Variants in SMC3 observed in about 807,000 individuals in gnomAD.
SMC3 encodes structural maintenance of chromosomes 3, also known as structural maintenance of chromosomes protein 3.
SMC3 carries 20 observed loss-of-function variants against 171.8 expected under a neutral mutation model. The ratio of observed to expected loss-of-function variants is 0.12; its 90% CI spans 0.08 to 0.17. SMC3 has a LOEUF of 0.17. Among genes scored for constraint, SMC3 ranks in the 10% least tolerant of loss-of-function variants. The pLI is 1.00. For missense variants in SMC3, 543 were observed against 1,420.4 expected (o/e 0.38, Z 9.93); for synonymous variants, 464 against 451.1 (o/e 1.03, Z -0.36).
rs1392669445 is a variant in SMC3, at chr10:110,605,604, T to A, written c.*1302T>A. Among the ~76,000 whole-genome samples, 2 of 152,244 alleles carry A rather than the reference T, an allele frequency of 1.3e-5. No individual in the cohort carries two copies. The highest frequency in any genetic ancestry group is 4.8e-5 in the African/African-American group (2 of 41,472). ...GTGAGTTTACTTTGGGTTTTCATTT[T>A]GACTGGCTGAATCTTTAAATGTTCG... On this transcript the variant is annotated 3_prime_UTR_variant, in exon 29 of 29. Transcript: ENST00000361804.
Position 110,567,720 on chromosome 10 carries a change from C to G in SMC3, c.-97C>G, listed in dbSNP as rs1017866892. The G allele has an allele frequency of 4.1e-6, 6 of 1,480,824 alleles. No homozygotes were observed. Among genetic ancestry groups the G allele is most frequent in the Admixed American group, 3.5e-5 (2 of 57,794 alleles). 91.7% of individuals were successfully genotyped at this position (1,480,824 alleles called of 1,614,324 possible). A position where few individuals can be genotyped will look rare whatever the true frequency, so the allele number is the denominator to read the frequency against. ...GTTTGGCTGAGGGGAGCGAGCGGCG[C>G]TTTGGGGGAGGGGTCGCGTAGGCGC... On this transcript the variant is annotated 5_prime_UTR_variant, in exon 1 of 29. Coordinates refer to ENST00000361804, the MANE Select transcript of SMC3 (RefSeq NM_005445.4).
At chr10:110,599,086 C>G (rs888090338) in intron 20 of SMC3, among the ~76,000 whole-genome samples, 2 of 151,522 alleles carry the variant, frequency 1.3e-5, no homozygotes, top group African/African-American at 4.8e-5. Context: ...CCATCCCAAC[C>G]ATATTCTGAC....
chr10:110,600,323 A>G, intron 21 of SMC3, 116 bp from the exon 22 acceptor site: 1 of 708,216 alleles, frequency 1.4e-6, no homozygotes, highest in Admixed American at 2.2e-5. Context: ...AGAATATAAC[A>G]TATTAAACTT....
intron 18 of SMC3, among the ~76,000 whole-genome samples, chr10:110,594,107 C>CATTTGGT (rs112495559): frequency 0.98 from 148,904 of 152,150 alleles, 72,878 homozygotes; most frequent in South Asian, 1. Flanking sequence ...GAAATGTGAT[C>CATTTGGT]ATATAGCAGG....
intron 13 of SMC3, among the ~76,000 whole-genome samples, chr10:110,584,608 T>C (rs1203203143): frequency 6.6e-6 from 1 of 152,192 alleles, no homozygotes; most frequent in Admixed American, 6.5e-5. Context: ...GTAGATTAAG[T>C]ATATTAAAAT....
rs199611616 is a variant in SMC3 at position 110,604,319 on chromosome 10, A to G, written c.*17A>G. 261 of 1,571,354 alleles carry G rather than the reference A, an allele frequency of 1.7e-4. No individual in the cohort carries two copies. The highest frequency in any genetic ancestry group is 6.9e-4 in the Middle Eastern group (3 of 4,374). On this transcript the variant is annotated 3_prime_UTR_variant, in exon 29 of 29. Coordinates refer to ENST00000361804, the MANE Select transcript of SMC3 (RefSeq NM_005445.4). ...CATGGTTAATTGGAAAATACTACCT[A>G]CTGGTTTGGGAGATGTATATAGTAA...
chr10:110,568,863 C>A (rs1345772386), intron 1 of SMC3, 75 bp from the exon 2 acceptor site: 2 of 752,364 alleles, frequency 2.7e-6, no homozygotes, highest in Non-Finnish European at 4.3e-6. Context: ...AAATGAAAAA[C>A]AAGAAAGAAA....
chr10:110,602,211 CAG>C (rs1861398399), intron 25 of SMC3, 33 bp downstream of exon 25: 1 of 1,549,510 alleles, frequency 6.5e-7, no homozygotes, highest in Non-Finnish European at 8.9e-7. Context: ...AACATACACA[CAG>C]AGGACAAAAG....
At chr10:110,598,356 T>C (rs1371036309) in intron 20 of SMC3, 66 bp downstream of exon 20, 26 of 1,452,510 alleles carry the variant, frequency 1.8e-5, no homozygotes, top group Non-Finnish European at 2.5e-5. Context: ...ATATGAATCA[T>C]ACATTATATG....
At chr10:110,590,934 C>T in intron 16 of SMC3, 57 bp from the exon 17 acceptor site, 1 of 1,536,210 alleles carries the variant, frequency 6.5e-7, no homozygotes, top group South Asian at 1.1e-5. Flanking sequence ...TAAGTTTGGG[C>T]AACATAGGGA....
intron 19 of SMC3, 44 bp downstream of exon 19, chr10:110,596,594 G>A: frequency 1.3e-6 from 2 of 1,583,834 alleles, no homozygotes; most frequent in Non-Finnish European, 1.7e-6. Context: ...TGTGGGGGAA[G>A]AACTGTGTTT....
At chr10:110,573,650 A>G in intron 2 of SMC3, 57 bp from the exon 3 acceptor site, 1 of 1,164,612 alleles carries the variant, frequency 8.6e-7, no homozygotes, top group South Asian at 1.3e-5. Context: ...AAAGGTAAAC[A>G]GTTTTAATTT....
Position 110,603,248 on chromosome 10 carries a change from T to C in SMC3, c.3540T>C (p.Leu1180=). ...CAACTACTTTTAGGCCTGAACTGCT[T>C]GAGTCAGCTGACAAATTCTATGGTG... is the stretch of plus-strand genomic sequence containing the variant. ...FITTTFRPEL[L]ESADKFYGVK... is the part of the protein sequence containing the mutation. The change falls in exon 28 of 29, where the codon CTT becomes CTC. Residue 1180 remains leucine, a synonymous_variant. Transcript: ENST00000361804. 1 of 1,608,366 alleles carries C rather than the reference T, an allele frequency of 6.2e-7. No homozygotes were observed.
chr10:110,594,578 C>T (rs1861265418), intron 18 of SMC3, among the ~76,000 whole-genome samples: 1 of 151,974 alleles, frequency 6.6e-6, no homozygotes, highest in South Asian at 2.1e-4. Flanking sequence ...AATTTTTTTC[C>T]TACTCAGATC....
At position 110,601,864 on chromosome 10, in the gene SMC3, C is replaced by G. The variant is rs746411045; in HGVS notation, c.2872C>G (p.Gln958Glu). Residue 958 changes from glutamine (Q) to glutamate (E), a missense_variant, in exon 24 of 29, where the codon CAG becomes GAG. This residue lies in a region of SMC3 where 81 missense variants were observed against 184.2 expected (regional missense o/e 0.44). Transcript: ENST00000361804. The part of the protein sequence containing the change: ...SLPQEAFEKY[Q>E]TLSLKQLFRK... The stretch of plus-strand genomic sequence containing the variant: ...TCCCCAGGAAGCATTTGAAAAGTAC[C>G]AGACACTGAGCCTCAAACAGGTTGG... 1 of 1,613,926 alleles carries G rather than the reference C, an allele frequency of 6.2e-7. No individual in the cohort carries two copies. The highest frequency in any genetic ancestry group is 2.2e-5 in the East Asian group (1 of 44,850).
chr10:110,580,516 G>A (rs185305896), intron 7 of SMC3, among the ~76,000 whole-genome samples: 253 of 152,276 alleles, frequency 1.7e-3, no homozygotes, highest in Admixed American at 4.2e-3. Context: ...AAGTAAAGGA[G>A]ACATAGATAT....
Position 110,575,374 on chromosome 10 carries a change from C to A in SMC3, c.169C>A (p.Arg57Ser). 6.2e-7 allele frequency: 1 copy of A among 1,613,516 alleles called. No individual in the cohort carries two copies. Residue 57 changes from arginine to serine, a missense_variant, in exon 4 of 29, where the codon CGT becomes AGT. This residue lies in a region of SMC3 where 146 missense variants were observed against 437.9 expected (regional missense o/e 0.33). Transcript: ENST00000361804. Reference sequence around the variant, plus strand: ...TCTCAGTGATGAGTTTAGTCATCTTCGTCCAGAACAGCGGTTGGCTTTATT... The same window carrying A: ...TCTCAGTGATGAGTTTAGTCATCTTAGTCCAGAACAGCGGTTGGCTTTATT... ...FVLSDEFSHL[R>S]PEQRLALLHE... is the part of the protein sequence containing the mutation.
intron 4 of SMC3, 146 bp from the exon 5 acceptor site, chr10:110,577,275 G>A (rs1239670464): frequency 1.0e-5 from 7 of 678,496 alleles, no homozygotes; most frequent in South Asian, 1.0e-4. Flanking sequence ...AGAGACGTTA[G>A]ATTAGTGTGT....
chr10:110,569,020 GTTC>G lies in SMC3; in HGVS notation c.91+10_91+12del. The G allele has an allele frequency of 6.4e-7, 1 of 1,565,802 alleles. No individual in the cohort carries two copies. Among genetic ancestry groups the G allele is most frequent in the Non-Finnish European group, 8.8e-7 (1 of 1,136,140 alleles). On this transcript the variant is annotated splice_region_variant and intron_variant, in intron 2 of 28. Coordinates refer to ENST00000361804, the MANE Select transcript of SMC3 (RefSeq NM_005445.4). ...TCAAAACATAATGTGATTGGTAAGTGTTCTTGGTTTACTCGGTCATATTTATAG... is the reference window on the plus strand; with the variant it reads ...TCAAAACATAATGTGATTGGTAAGTGTTGGTTTACTCGGTCATATTTATAG...
Sources: gnomAD v4.1 joint callset for allele counts (sites outside exome capture counted in the v4.1 genomes callset) on GRCh38, gnomAD v4.1.1 for gene constraint, gnomAD v4.1.1 regional missense constraint, MANE v1.5 for transcripts, NCBI Gene and HGNC (gene_info 2026-07-23, HGNC 2026-07-21) for gene names.